ANKRD31: variants seen among roughly 807,000 people sequenced by gnomAD.
The protein encoded by ANKRD31 is ankyrin repeat domain-containing protein 31.
In ANKRD31, 147 loss-of-function variants were observed where a neutral mutation model predicts 186.0. The observed-to-expected ratio is 0.79, with a 90% CI of 0.69 to 0.91. ANKRD31 has a LOEUF of 0.91. ANKRD31 is among the 40% of genes least tolerant of loss of function. ANKRD31 has a pLI of 0.00. For missense variants in ANKRD31, 1,986 were observed against 2,148.8 expected, an observed-to-expected ratio of 0.92 and a Z score of 1.50; for synonymous variants, 673 against 736.4, an observed-to-expected ratio of 0.91 and a Z score of 1.39.
intron 20 of ANKRD31, among the ~76,000 whole-genome samples, chr5:75,110,659 A>G (rs1747703639): frequency 6.6e-6 from 1 of 151,164 alleles, no homozygotes; most frequent in African/African-American, 2.4e-5. Context: ...CAGTGAGCTG[A>G]GATCACACCA....
chr5:75,107,675 T>G, intron 20 of ANKRD31, 58 bp from the exon 21 acceptor site: 1 of 1,067,348 alleles, frequency 9.4e-7, no homozygotes, highest in Non-Finnish European at 1.3e-6. Flanking sequence ...TCAAATTTGG[T>G]CATACGAGAA....
chr5:75,191,621 G>T (rs754823637), intron 9 of ANKRD31, among the ~76,000 whole-genome samples: 1 of 152,022 alleles, frequency 6.6e-6, no homozygotes, highest in African/African-American at 2.4e-5. Flanking sequence ...GAGATCTCAT[G>T]CATTTCTAGA....
chr5:75,209,251 G>A (rs998365792), intron 4 of ANKRD31, among the ~76,000 whole-genome samples: 3 of 151,868 alleles, frequency 2.0e-5, no homozygotes, highest in African/African-American at 7.3e-5. Context: ...ACTGAGTTAT[G>A]TATGTTTTCC....
At chr5:75,145,117 G>C (rs1751340827) in intron 14 of ANKRD31, among the ~76,000 whole-genome samples, 1 of 152,134 alleles carries the variant, frequency 6.6e-6, no homozygotes, top group Non-Finnish European at 1.5e-5. Context: ...TGGAGAAATA[G>C]GAATGCTTTT....
At chr5:75,133,724 A>C (rs529843134) in intron 17 of ANKRD31, among the ~76,000 whole-genome samples, 28 of 152,330 alleles carry the variant, frequency 1.8e-4, no homozygotes, top group African/African-American at 6.3e-4. Flanking sequence ...TCTTTTCAGC[A>C]CCACACCACA....
Position 75,193,457 on chromosome 5 carries a change from C to G in ANKRD31, c.1152G>C (p.Leu384Phe), listed in dbSNP as rs567514262. ...GTTTTTCTAGTCTGGATGATCTCCT[C>G]AACACACACGCAGTTTCCTGATCAG... Reference protein sequence around the residue: ...NSSDQETACVLRRSSRLEKLK... With the variant: ...NSSDQETACVFRRSSRLEKLK... The change falls in exon 8 of 26, where the codon TTG becomes TTC. Residue 384 changes from leucine to phenylalanine, a missense_variant. Physicochemically the swap from Leu to Phe is conservative, Grantham distance 22 (BLOSUM62 0). Transcript: ENST00000506364. The G allele has an allele frequency of 7.2e-6, 11 of 1,537,244 alleles. No homozygotes were observed. In the Admixed American group the frequency reaches 2.2e-4, roughly 30 times the overall value.
intron 16 of ANKRD31, among the ~76,000 whole-genome samples, chr5:75,138,417 T>TCC (rs1750767565): frequency 2.0e-5 from 3 of 152,190 alleles, no homozygotes; most frequent in Non-Finnish European, 4.4e-5. Flanking sequence ...AAGATTCTTT[T>TCC]GTGCTTAAGC....
At chr5:75,085,100 C>T (rs1309325675) in intron 23 of ANKRD31, among the ~76,000 whole-genome samples, 1 of 152,168 alleles carries the variant, frequency 6.6e-6, no homozygotes, top group Non-Finnish European at 1.5e-5. Flanking sequence ...CAAGATTCAA[C>T]TTGAACATCC....
chr5:75,070,518 A>G (rs1443414135), intron 25 of ANKRD31, among the ~76,000 whole-genome samples: 2 of 152,190 alleles, frequency 1.3e-5, no homozygotes, highest in Non-Finnish European at 2.9e-5. Context: ...GTCTGTAAAC[A>G]TTTTACATTT....
At chr5:75,123,721 G>A (rs984792991) in intron 17 of ANKRD31, among the ~76,000 whole-genome samples, 3 of 152,050 alleles carry the variant, frequency 2.0e-5, no homozygotes, top group African/African-American at 7.2e-5. Flanking sequence ...TCAATAAATA[G>A]TGTTGGGAAA....
Position 75,091,262 on chromosome 5 carries a change from T to C in ANKRD31, c.5471A>G (p.Lys1824Arg). Reference protein sequence around the residue: ...SYVTWNYAWSKVTYLGKELLR... With the variant: ...SYVTWNYAWSRVTYLGKELLR... ...AAGATAAACTTAAGAATGACCCACC[T>C]TACTCCAAGCATAATTCCAGGTCAC... Residue 1824 changes from lysine to arginine, a missense_variant and splice_region_variant, in exon 23 of 26, where the codon AAG becomes AGG. By Grantham distance (26) the Lys-to-Arg change is conservative. Transcript: ENST00000506364. The C allele has an allele frequency of 6.5e-7, 1 of 1,534,820 alleles. No homozygotes were observed. Among genetic ancestry groups the C allele is most frequent in the Non-Finnish European group, 8.7e-7 (1 of 1,146,290 alleles).
At chr5:75,144,627 A>C (rs1392153559) in intron 14 of ANKRD31, among the ~76,000 whole-genome samples, 2 of 152,174 alleles carry the variant, frequency 1.3e-5, no homozygotes, top group African/African-American at 4.8e-5. Context: ...CATAAGACCT[A>C]AAACCATAAA....
chr5:75,108,338 TAAA>T (rs1747500830), intron 20 of ANKRD31, among the ~76,000 whole-genome samples: 2 of 152,056 alleles, frequency 1.3e-5, no homozygotes. Flanking sequence ...AATAATTACT[TAAA>T]TTTTCCCGAC....
At chr5:75,200,669 T>C (rs1323834922) in intron 5 of ANKRD31, among the ~76,000 whole-genome samples, 1 of 151,326 alleles carries the variant, frequency 6.6e-6, no homozygotes, top group Non-Finnish European at 1.5e-5. Context: ...TCCCAGCACT[T>C]TGGGAAGCCA....
At chr5:75,096,785 G>A (rs1451678845) in intron 22 of ANKRD31, among the ~76,000 whole-genome samples, 1 of 151,870 alleles carries the variant, frequency 6.6e-6, no homozygotes, top group Non-Finnish European at 1.5e-5. Flanking sequence ...TTTACATTAG[G>A]TATATCTCCT....
At chr5:75,109,455 A>C (rs1747592095) in intron 20 of ANKRD31, among the ~76,000 whole-genome samples, 1 of 152,232 alleles carries the variant, frequency 6.6e-6, no homozygotes, top group African/African-American at 2.4e-5. Context: ...TTTAGAGAGC[A>C]GTTGTTTACC....
chr5:75,115,976 A>G (rs1748206854), intron 19 of ANKRD31, among the ~76,000 whole-genome samples: 1 of 152,038 alleles, frequency 6.6e-6, no homozygotes, highest in Admixed American at 6.6e-5. Flanking sequence ...TTGTTGCGGC[A>G]TTATTCACAA....
chr5:75,129,825 G>T (rs1295821264), intron 17 of ANKRD31, among the ~76,000 whole-genome samples: 1 of 152,202 alleles, frequency 6.6e-6, no homozygotes, highest in Non-Finnish European at 1.5e-5. Flanking sequence ...GCCGAAGCAG[G>T]GCAGGGCATC....
intron 10 of ANKRD31, among the ~76,000 whole-genome samples, chr5:75,169,402 C>T (rs1753158003): frequency 6.6e-6 from 1 of 152,070 alleles, no homozygotes; most frequent in Admixed American, 6.6e-5. Flanking sequence ...ATAGGCTGTG[C>T]AGGAGTCATT....
Sources: gnomAD v4.1 joint callset for allele counts (sites outside exome capture counted in the v4.1 genomes callset) on GRCh38, gnomAD v4.1.1 for gene constraint, MANE v1.5 for transcripts, NCBI Gene and HGNC (gene_info 2026-07-23, HGNC 2026-07-21) for gene names.